MLXIPL: variants seen among roughly 807,000 people sequenced by gnomAD.
MLXIPL encodes MLX interacting protein like, also known as carbohydrate-responsive element-binding protein.
MLXIPL carries 49 observed loss-of-function variants against 81.5 expected under a neutral mutation model. The observed-to-expected ratio is 0.60, with a 90% CI of 0.48 to 0.76. The LOEUF (loss-of-function observed/expected upper bound fraction) is 0.76, where lower values mean the gene tolerates loss of function less well. Among genes scored for constraint, MLXIPL ranks in the 30% least tolerant of loss-of-function variants. MLXIPL has a pLI of 0.00. For synonymous variants in MLXIPL, 466 were observed against 485.5 expected, an observed-to-expected ratio of 0.96 and a Z score of 0.53; for missense variants, 1,053 against 1,167.0, an observed-to-expected ratio of 0.90 and a Z score of 1.42.
chr7:73,639,758 A>G, the MLXIPL span, among the ~76,000 whole-genome samples: 2 of 152,326 alleles, frequency 1.3e-5, no homozygotes, highest in Non-Finnish European at 1.5e-5. Context: ...TGCAATGCTA[A>G]TTTAAAAAGA....
In MLXIPL at chr7:73,615,763, A is replaced by G. The variant is rs548821704; in HGVS notation, c.400+308T>C. On this transcript the variant is annotated intron_variant, in intron 2 of 16. Transcript: ENST00000313375. ...AACCGTCTCTACTAAAAATACAAAA[A>G]TTAGCTGGGAGTGGTGGTGGGTGCC... Among the ~76,000 whole-genome samples, 3 of 152,070 alleles carry G rather than the reference A, an allele frequency of 2.0e-5. No homozygotes were observed. In the East Asian group the frequency reaches 5.8e-4, roughly 29 times the overall value.
the MLXIPL span, among the ~76,000 whole-genome samples, chr7:73,635,106 G>A: frequency 1.3e-5 from 2 of 151,994 alleles, no homozygotes; most frequent in East Asian, 1.9e-4. Context: ...GATTACAGGC[G>A]TAAGCCACTG....
upstream of MLXIPL, among the ~76,000 whole-genome samples, chr7:73,626,492 A>G (rs1796756583): frequency 6.6e-6 from 1 of 151,172 alleles, no homozygotes. Context: ...TGTAGAGATG[A>G]AATCTGCTTC....
chr7:73,624,331 C>A lies in MLXIPL; in HGVS notation c.162G>T (p.Val54=). The A allele has an allele frequency of 6.3e-7, 1 of 1,588,668 alleles. No homozygotes were observed. The highest frequency in any genetic ancestry group is 8.5e-7 in the Non-Finnish European group (1 of 1,170,098). Residue 54 remains valine (V), a synonymous_variant, in exon 1 of 17, where the codon GTG becomes GTT. Transcript: ENST00000313375. ...GCAGCGAGTCGCTGTGCGGCGACGA[C>A]ACCATGAAGTGACCGCTGTGGATGA... The part of the protein sequence containing the change: ...SQVIHSGHFM[V]SSPHSDSLPR...
At chr7:73,632,773 T>A in the MLXIPL span, among the ~76,000 whole-genome samples, 1 of 107,960 alleles carries the variant, frequency 9.3e-6, no homozygotes, top group Non-Finnish European at 2.0e-5. Flanking sequence ...CTTCCTTCCT[T>A]CCTTCCTTCC....
chr7:73,607,916 G>A (rs1327674552), intron 2 of MLXIPL, among the ~76,000 whole-genome samples: 3 of 147,902 alleles, frequency 2.0e-5, no homozygotes, highest in Non-Finnish European at 4.5e-5. Flanking sequence ...GAGTGCAATG[G>A]CGTGATCTTG....
chr7:73,635,134 T>C, the MLXIPL span, among the ~76,000 whole-genome samples: 1 of 152,304 alleles, frequency 6.6e-6, no homozygotes, highest in East Asian at 1.9e-4. Context: ...CCTATATTTA[T>C]GTTTAATAAT....
At chr7:73,601,349 C>T (rs575587380) in intron 7 of MLXIPL, among the ~76,000 whole-genome samples, 1 of 151,900 alleles carries the variant, frequency 6.6e-6, no homozygotes, top group Non-Finnish European at 1.5e-5. Context: ...AATGAGCTTG[C>T]GTGGGAGACA....
At chr7:73,605,821 C>G in intron 6 of MLXIPL, 53 bp from the exon 7 acceptor site, 1 of 1,593,888 alleles carries the variant, frequency 6.3e-7, no homozygotes, top group Non-Finnish European at 8.6e-7. Flanking sequence ...GAGCAGGGTC[C>G]CCACCCCCAT....
Position 73,624,507 on chromosome 7 carries a change from CA to C in MLXIPL, c.-16del. 1 of 1,523,992 alleles carries C rather than the reference CA, an allele frequency of 6.6e-7. No homozygotes were observed. The highest frequency in any genetic ancestry group is 1.2e-5 in the South Asian group (1 of 82,716). 94.4% of individuals were successfully genotyped at this position (1,523,992 alleles called of 1,614,324 possible). ...GCGCCGGCCATGGCTGTCGCCGCCG[CA>C]ACCGCCTGGTCCCTGCTCCGCGCAG... is the stretch of plus-strand genomic sequence containing the variant. On this transcript the variant is annotated 5_prime_UTR_variant, in exon 1 of 17. Coordinates refer to ENST00000313375, the MANE Select transcript of MLXIPL (RefSeq NM_032951.3).
intron 4 of MLXIPL, 126 bp from the exon 5 acceptor site, chr7:73,607,144 T>C (rs1795347605): frequency 7.3e-7 from 1 of 1,361,378 alleles, no homozygotes; most frequent in Non-Finnish European, 1.0e-6. Context: ...ACCCGACCCC[T>C]AGGTAAGGAG....
chr7:73,625,303 T>TG (rs1462754727), upstream of MLXIPL, among the ~76,000 whole-genome samples: 1 of 152,134 alleles, frequency 6.6e-6, no homozygotes, highest in Non-Finnish European at 1.5e-5. Context: ...ACCTAACTCC[T>TG]GCCCTTCACC....
upstream of MLXIPL, among the ~76,000 whole-genome samples, chr7:73,625,795 A>G (rs1186450738): frequency 6.6e-6 from 1 of 152,016 alleles, no homozygotes; most frequent in East Asian, 1.9e-4. Context: ...AAAAATATAT[A>G]TTAAAAAAAT....
chr7:73,594,215 AT>A, intron 16 of MLXIPL, 58 bp downstream of exon 16: 1 of 1,602,720 alleles, frequency 6.2e-7, no homozygotes, highest in Non-Finnish European at 8.5e-7. Context: ...GCAGGGTGGA[AT>A]GCTCCCTCCA....
Position 73,596,444 on chromosome 7 carries a change from T to C in MLXIPL, c.1858A>G (p.Met620Val), listed in dbSNP as rs1255621541. The C allele has an allele frequency of 1.2e-6, 2 of 1,612,672 alleles. No individual in the cohort carries two copies. Among genetic ancestry groups the C allele is most frequent in the Non-Finnish European group, 1.7e-6 (2 of 1,179,962 alleles). Residue 620 changes from methionine to valine, a missense_variant, in exon 12 of 17, where the codon ATG becomes GTG. Transcript: ENST00000313375. The surrounding 1 kb of genome is among the most constrained non-coding windows in gnomAD (Gnocchi z 4.7). ...ACGCTCAGAGTCCCAGGGCCTGGCA[T>C]GGAGCTGAGGTCCCCTGACAGCCGC... ...ERRLSGDLSS[M>V]PGPGTLSVRV...
chr7:73,597,103 T>G, intron 9 of MLXIPL, 79 bp downstream of exon 9: 1 of 1,494,690 alleles, frequency 6.7e-7, no homozygotes, highest in Non-Finnish European at 9.0e-7. Context: ...ACCTTCATCT[T>G]CTGCTCCCAA....
At chr7:73,602,126 G>GCCTTCCTTCCTTCCTTCCTT (rs1317199546) in intron 7 of MLXIPL, among the ~76,000 whole-genome samples, 2,347 of 75,516 alleles carry the variant, frequency 0.031, 35 homozygotes, top group Middle Eastern at 0.095. Flanking sequence ...CTGCCTGCCT[G>GCCTTCCTTCCTTCCTTCCTT]CCTGCCTTCC....
chr7:73,597,059 G>T, intron 9 of MLXIPL, 123 bp downstream of exon 9: 1 of 1,445,590 alleles, frequency 6.9e-7, no homozygotes. Context: ...CTCATTCCTT[G>T]CCACTCTGTC....
intron 2 of MLXIPL, among the ~76,000 whole-genome samples, chr7:73,612,669 G>C (rs1795767798): frequency 6.6e-6 from 1 of 151,508 alleles, no homozygotes. Context: ...AGTTTGTCCA[G>C]GGCTCTCAGA....
Sources: gnomAD v4.1 joint callset for allele counts (sites outside exome capture counted in the v4.1 genomes callset) on GRCh38, gnomAD v4.1.1 for gene constraint, Gnocchi (gnomAD v3.1) non-coding constraint, MANE v1.5 for transcripts, NCBI Gene and HGNC (gene_info 2026-07-23, HGNC 2026-07-21) for gene names.